SEMA3D: variants seen among roughly 807,000 people sequenced by gnomAD.
SEMA3D encodes semaphorin 3D, also known as semaphorin-3D.
A neutral mutation model predicts 100.1 loss-of-function variants in SEMA3D; 84 were observed. The observed-to-expected ratio is 0.84, with a 90% confidence interval of 0.70 to 1.01. SEMA3D has a LOEUF of 1.01. SEMA3D is among the 50% of genes least tolerant of loss of function. The pLI is 0.00. For synonymous variants in SEMA3D, 312 were observed against 320.7 expected (o/e 0.97, Z 0.29); for missense variants, 875 against 934.1 (o/e 0.94, Z 0.82).
upstream of SEMA3D, among the ~76,000 whole-genome samples, chr7:85,189,484 A>G (rs1404467879): frequency 2.0e-5 from 3 of 152,158 alleles, no homozygotes; most frequent in African/African-American, 7.2e-5. Context: ...AAAAAAGTAT[A>G]TTTTACAAAA....
chr7:85,105,347 T>C (rs1169817779), intron 3 of SEMA3D, among the ~76,000 whole-genome samples: 5 of 152,044 alleles, frequency 3.3e-5, no homozygotes, highest in African/African-American at 4.8e-5. Flanking sequence ...GATTCTCTCT[T>C]AGATTTAACA....
rs150936177 is a variant in SEMA3D, at chr7:85,026,610, G to T, written c.1192-3997C>A. On this transcript the variant is annotated intron_variant, in intron 12 of 18. Transcript: ENST00000284136. ...CTAACACTAGACAAATTAATAGAAA[G>T]TTCTGGATATTATTTTTGAATTACA... 2.5e-3 allele frequency among the ~76,000 whole-genome samples: 381 copies of T among 152,100 alleles called. 4 individuals are homozygous for T. Among genetic ancestry groups the T allele is most frequent in the African/African-American group, 8.5e-3 (355 of 41,536 alleles).
At chr7:85,168,820 T>TGAAAGAAA (rs59563448) in intron 1 of SEMA3D, among the ~76,000 whole-genome samples, 3,303 of 120,978 alleles carry the variant, frequency 0.027, 70 homozygotes, top group Admixed American at 0.043. Context: ...GAAAGAAAGA[T>TGAAAGAAA]GAAAGAAAGA....
At chr7:85,242,785 G>A in the SEMA3D span, among the ~76,000 whole-genome samples, 79 of 152,138 alleles carry the variant, frequency 5.2e-4, no homozygotes, top group Middle Eastern at 0.017. Context: ...TCATTATGTA[G>A]TACTGTCTTT....
At chr7:85,074,388 T>C (rs1476877131) in intron 5 of SEMA3D, among the ~76,000 whole-genome samples, 1 of 152,144 alleles carries the variant, frequency 6.6e-6, no homozygotes. Flanking sequence ...ACCTAACTGG[T>C]AGGGTGGTTC....
At chr7:85,090,938 T>C (rs1377047977) in intron 4 of SEMA3D, among the ~76,000 whole-genome samples, 2 of 151,112 alleles carry the variant, frequency 1.3e-5, no homozygotes, top group African/African-American at 4.9e-5. Flanking sequence ...TGCTCAAACA[T>C]AAAGGTGTAG....
intron 4 of SEMA3D, among the ~76,000 whole-genome samples, chr7:85,085,312 G>C (rs1788184970): frequency 6.6e-6 from 1 of 151,752 alleles, no homozygotes; most frequent in Admixed American, 6.6e-5. Flanking sequence ...GCCATCACAG[G>C]GTTTTATTTT....
the SEMA3D span, among the ~76,000 whole-genome samples, chr7:85,209,087 A>G: frequency 6.6e-6 from 1 of 152,122 alleles, no homozygotes; most frequent in Non-Finnish European, 1.5e-5. Flanking sequence ...ATGTTAATTA[A>G]AATCAGTTTA....
At chr7:85,017,583 T>A (rs10231441) in intron 15 of SEMA3D, among the ~76,000 whole-genome samples, 58,474 of 151,614 alleles carry the variant, frequency 0.39, 12,492 homozygotes, top group African/African-American at 0.59. Flanking sequence ...GGCTTTCTTA[T>A]ATCTTGGGGG....
Position 85,187,037 on chromosome 7 carries a change from G to A in SEMA3D, c.-532C>T, listed in dbSNP as rs1791577601. 6.6e-6 allele frequency among the ~76,000 whole-genome samples: 1 copy of A among 152,154 alleles called. No individual in the cohort carries two copies. Among genetic ancestry groups the A allele is most frequent in the African/African-American group, 2.4e-5 (1 of 41,442 alleles). ...GTGGTGTGACCGCAGCAGCTGTCCTGGGAGAGACTCAGTCTTTCTAAAAAG... is the reference window on the plus strand; with the variant it reads ...GTGGTGTGACCGCAGCAGCTGTCCTAGGAGAGACTCAGTCTTTCTAAAAAG... On this transcript the variant is annotated 5_prime_UTR_variant, in exon 1 of 19. Transcript: ENST00000284136.
chr7:85,084,172 T>C (rs1157841889), intron 4 of SEMA3D, among the ~76,000 whole-genome samples: 2 of 152,074 alleles, frequency 1.3e-5, no homozygotes, highest in African/African-American at 4.8e-5. Flanking sequence ...AATTGCATCT[T>C]GAATTCAGAG....
At chr7:85,064,504 A>G (rs1791561043) in intron 8 of SEMA3D, among the ~76,000 whole-genome samples, 1 of 152,194 alleles carries the variant, frequency 6.6e-6, no homozygotes, top group Admixed American at 6.6e-5. Context: ...AAATGTTTTC[A>G]AAGTGTTTTT....
At chr7:85,237,930 G>T in the SEMA3D span, among the ~76,000 whole-genome samples, 1 of 152,138 alleles carries the variant, frequency 6.6e-6, no homozygotes, top group African/African-American at 2.4e-5. Context: ...ACCACCATTT[G>T]GTGTTGTCAG....
chr7:85,157,790 T>A (rs1790640474), intron 1 of SEMA3D: 1 of 189,506 alleles, frequency 5.3e-6, no homozygotes, highest in Non-Finnish European at 9.8e-6. Context: ...TGGATTAGTA[T>A]CATTATTGCA....
chr7:85,199,863 A>G, the SEMA3D span, among the ~76,000 whole-genome samples: 5 of 152,104 alleles, frequency 3.3e-5, no homozygotes, highest in African/African-American at 4.8e-5. Flanking sequence ...TAGGAACTCA[A>G]TGGGAGGTGT....
intron 18 of SEMA3D, among the ~76,000 whole-genome samples, chr7:85,005,573 A>C (rs956009212): frequency 1.2e-4 from 18 of 152,124 alleles, no homozygotes; most frequent in African/African-American, 4.3e-4. Flanking sequence ...TAAATTCTTC[A>C]TGTAACAGTA....
At chr7:85,150,233 T>C (rs1478474910) in intron 2 of SEMA3D, among the ~76,000 whole-genome samples, 2 of 150,958 alleles carry the variant, frequency 1.3e-5, no homozygotes, top group African/African-American at 2.4e-5. Flanking sequence ...ATAGTCAGAA[T>C]TCTTGGTATT....
chr7:85,224,377 G>T, the SEMA3D span, among the ~76,000 whole-genome samples: 6 of 152,172 alleles, frequency 3.9e-5, no homozygotes, highest in Non-Finnish European at 7.3e-5. Context: ...AGCACAATTC[G>T]TCGTCTTGGA....
At chr7:85,118,371 G>A (rs1308229138) in intron 3 of SEMA3D, among the ~76,000 whole-genome samples, 1 of 151,756 alleles carries the variant, frequency 6.6e-6, no homozygotes, top group Non-Finnish European at 1.5e-5. Context: ...TGTTTTCCTT[G>A]TTATTAAATT....
Sources: gnomAD v4.1 joint callset for allele counts (sites outside exome capture counted in the v4.1 genomes callset) on GRCh38, gnomAD v4.1.1 for gene constraint, MANE v1.5 for transcripts, NCBI Gene and HGNC (gene_info 2026-07-23, HGNC 2026-07-21) for gene names.